Variants in CSRNP3 observed in about 807,000 individuals in gnomAD.
The protein encoded by CSRNP3 is cysteine and serine rich nuclear protein 3.
A neutral mutation model predicts 48.0 loss-of-function variants in CSRNP3; 12 were observed. The ratio of observed to expected loss-of-function variants is 0.25; its 90% CI spans 0.16 to 0.41. CSRNP3 has a LOEUF of 0.41. Among genes scored for constraint, CSRNP3 ranks in the 10% least tolerant of loss-of-function variants. The pLI, the probability that CSRNP3 is intolerant of heterozygous loss-of-function variation, is 1.00. For missense variants in CSRNP3, 580 were observed against 724.4 expected, an observed-to-expected ratio of 0.80 and a Z score of 2.29; for synonymous variants, 263 against 269.7, an observed-to-expected ratio of 0.98 and a Z score of 0.24.
At chr2:165,591,571 C>A (rs1685717938) in intron 3 of CSRNP3, among the ~76,000 whole-genome samples, 1 of 152,170 alleles carries the variant, frequency 6.6e-6, no homozygotes, top group African/African-American at 2.4e-5. Context: ...GCGGTGGGCC[C>A]AGGGACCCCC....
intron 3 of CSRNP3, among the ~76,000 whole-genome samples, chr2:165,527,327 C>A (rs748694597): frequency 1.3e-5 from 2 of 151,216 alleles, no homozygotes; most frequent in Non-Finnish European, 2.9e-5. Flanking sequence ...CTGCCTCAGC[C>A]TCCCGAGTAG....
At chr2:165,618,282 T>C (rs1237002745) in intron 4 of CSRNP3, among the ~76,000 whole-genome samples, 1 of 152,208 alleles carries the variant, frequency 6.6e-6, no homozygotes, top group Non-Finnish European at 1.5e-5. Flanking sequence ...CTGCTTTGCT[T>C]TCCTCTCTGT....
In CSRNP3 at chr2:165,669,314, G is replaced by A. The variant is rs1279502994; in HGVS notation, c.409-6998G>A. The stretch of plus-strand genomic sequence containing the variant: ...TTTTGTTTTATTTTGTTTTGCCCTG[G>A]CATTTTAGTCAATCTATACTTTTAG... On this transcript the variant is annotated intron_variant, in intron 5 of 6. Coordinates refer to ENST00000651982, the MANE Select transcript of CSRNP3 (RefSeq NM_001172173.2). 2.6e-5 allele frequency among the ~76,000 whole-genome samples: 4 copies of A among 152,130 alleles called. No homozygotes were observed. The South Asian group carries it at 6.2e-4, about 24-fold the overall frequency.
At chr2:165,564,523 G>A (rs1685274193) in intron 3 of CSRNP3, among the ~76,000 whole-genome samples, 1 of 151,846 alleles carries the variant, frequency 6.6e-6, no homozygotes, top group Admixed American at 6.6e-5. Context: ...TTATGTTCAT[G>A]TATATTTAAA....
chr2:165,637,551 C>T (rs1686651248), intron 4 of CSRNP3, among the ~76,000 whole-genome samples: 1 of 152,196 alleles, frequency 6.6e-6, no homozygotes, highest in African/African-American at 2.4e-5. Flanking sequence ...GTGGTTTCTG[C>T]TCTGCAACAT....
At chr2:165,674,060 A>T (rs1159153704) in intron 5 of CSRNP3, among the ~76,000 whole-genome samples, 1 of 152,018 alleles carries the variant, frequency 6.6e-6, no homozygotes, top group Non-Finnish European at 1.5e-5. Context: ...AAAATAAATC[A>T]ATCTCTGTTG....
At chr2:165,505,566 T>G (rs1684414397) in intron 2 of CSRNP3, among the ~76,000 whole-genome samples, 1 of 152,232 alleles carries the variant, frequency 6.6e-6, no homozygotes, top group South Asian at 2.1e-4. Context: ...AATTTTTGTT[T>G]TGATAGCCTT....
At chr2:165,590,616 T>A (rs750071333) in intron 3 of CSRNP3, among the ~76,000 whole-genome samples, 1 of 152,206 alleles carries the variant, frequency 6.6e-6, no homozygotes, top group Non-Finnish European at 1.5e-5. Context: ...GGTAATTGAA[T>A]CATGGAGGCC....
rs1687633240 is a variant in CSRNP3, at chr2:165,686,499, A to G, written c.*6746A>G. On this transcript the variant is annotated 3_prime_UTR_variant, in exon 7 of 7. Transcript: ENST00000651982. Reference sequence around the variant, plus strand: ...TATATACATTTTTGCAACTTTATTTAATAAAAAAGAGAAGAAAAAATAAAA... The same window carrying G: ...TATATACATTTTTGCAACTTTATTTGATAAAAAAGAGAAGAAAAAATAAAA... 1 of 136,642 alleles carries G rather than the reference A, an allele frequency of 7.3e-6. No individual in the cohort carries two copies. Among genetic ancestry groups the G allele is most frequent in the Non-Finnish European group, 1.7e-5 (1 of 59,136 alleles). The allele number at this position is 136,642 out of a possible 1,614,324, so 8.5% of individuals were successfully genotyped here. A position where few individuals can be genotyped will look rare whatever the true frequency, so the allele number is the denominator to read the frequency against.
At chr2:165,633,239 T>C (rs1449160932) in intron 4 of CSRNP3, among the ~76,000 whole-genome samples, 1 of 152,180 alleles carries the variant, frequency 6.6e-6, no homozygotes, top group African/African-American at 2.4e-5. Context: ...GCCAAGATTG[T>C]CTTTTATTGT....
At chr2:165,588,813 G>C (rs1685671329) in intron 3 of CSRNP3, among the ~76,000 whole-genome samples, 1 of 152,012 alleles carries the variant, frequency 6.6e-6, no homozygotes, top group Non-Finnish European at 1.5e-5. Flanking sequence ...TGAAAACTTA[G>C]GTGGGCATGG....
At chr2:165,482,686 C>T (rs531648684) in intron 1 of CSRNP3, among the ~76,000 whole-genome samples, 3 of 152,274 alleles carry the variant, frequency 2.0e-5, no homozygotes, top group Admixed American at 6.5e-5. Flanking sequence ...TTGAAACTAT[C>T]GTCTACCCAT....
rs1687632710 is a variant in CSRNP3, at chr2:165,686,473, C to T, written c.*6720C>T. On this transcript the variant is annotated 3_prime_UTR_variant, in exon 7 of 7. Coordinates refer to ENST00000651982, the MANE Select transcript of CSRNP3 (RefSeq NM_001172173.2). ...CCCTCTTTAAAACAAATTTAAAGAT[C>T]TATATACATTTTTGCAACTTTATTT... 1 of 151,764 alleles carries T rather than the reference C, an allele frequency of 6.6e-6. No individual in the cohort carries two copies. Among genetic ancestry groups the T allele is most frequent in the Non-Finnish European group, 1.5e-5 (1 of 67,894 alleles). 9.4% of individuals were successfully genotyped at this position (151,764 alleles called of 1,614,324 possible). A position where few individuals can be genotyped will look rare whatever the true frequency, so the allele number is the denominator to read the frequency against.
At chr2:165,485,518 G>A (rs1345675450) in intron 1 of CSRNP3, among the ~76,000 whole-genome samples, 1 of 152,144 alleles carries the variant, frequency 6.6e-6, no homozygotes, top group African/African-American at 2.4e-5. Context: ...ACCAAATAAA[G>A]GTTACGTTAG....
At chr2:165,645,485 A>G (rs944677075) in intron 4 of CSRNP3, among the ~76,000 whole-genome samples, 1 of 152,234 alleles carries the variant, frequency 6.6e-6, no homozygotes, top group African/African-American at 2.4e-5. Context: ...TTGGAAGAAC[A>G]CAAACATTCA....
Position 165,510,431 on chromosome 2 carries a change from A to C in CSRNP3, c.-112-7442A>C, listed in dbSNP as rs375483327. On this transcript the variant is annotated intron_variant, in intron 2 of 6. Transcript: ENST00000651982. ...ACCATTAATATTTGTTGCCTCAGCT[A>C]TTTCAACTCTGACCATTGAGAGCTC... is the stretch of plus-strand genomic sequence containing the variant. Among the ~76,000 whole-genome samples, 19 of 152,218 alleles carry C rather than the reference A, an allele frequency of 1.2e-4. No individual in the cohort carries two copies. The South Asian group carries it at 2.5e-3, about 20-fold the overall frequency.
intron 1 of CSRNP3, among the ~76,000 whole-genome samples, chr2:165,485,165 ATTTTTT>A (rs1684096598): frequency 6.6e-6 from 1 of 151,944 alleles, no homozygotes; most frequent in South Asian, 2.1e-4. Context: ...GGTGGAAAAT[ATTTTTT>A]TCCACCTTAC....
chr2:165,516,261 C>T (rs962872640), intron 2 of CSRNP3, among the ~76,000 whole-genome samples: 10 of 152,078 alleles, frequency 6.6e-5, no homozygotes, highest in Admixed American at 6.5e-5. Flanking sequence ...AAGCTCCATT[C>T]TTAGATGTTG....
intron 4 of CSRNP3, among the ~76,000 whole-genome samples, chr2:165,620,339 G>A (rs924782301): frequency 5.3e-5 from 8 of 152,062 alleles, no homozygotes; most frequent in Non-Finnish European, 1.2e-4. Context: ...AAATCTATGC[G>A]ACTGATTTTA....
Sources: allele counts gnomAD v4.1 joint callset (sites outside exome capture counted in the v4.1 genomes callset), GRCh38; gene constraint gnomAD v4.1.1; transcripts MANE v1.5; gene names NCBI Gene and HGNC (gene_info 2026-07-23, HGNC 2026-07-21).